TSPAN9: variants seen among roughly 807,000 people sequenced by gnomAD.
TSPAN9 encodes tetraspanin-9.
TSPAN9 carries 16 observed loss-of-function variants against 31.0 expected under a neutral mutation model. The observed-to-expected ratio is 0.52, with a 90% CI of 0.35 to 0.78. TSPAN9 has a LOEUF of 0.78. TSPAN9 is among the 30% of genes least tolerant of loss of function. The pLI is 0.01. For synonymous variants in TSPAN9, 145 were observed against 121.6 expected (o/e 1.19, Z -1.27); for missense variants, 272 against 312.5 (o/e 0.87, Z 0.98).
intron 2 of TSPAN9, among the ~76,000 whole-genome samples, chr12:3,109,230 C>T (rs1023345883): frequency 1.3e-5 from 2 of 148,290 alleles, no homozygotes; most frequent in African/African-American, 2.5e-5. Flanking sequence ...GCCACCGCTC[C>T]TGGCCAGGAG....
chr12:3,105,768 G>GCACGCACA (rs1555141405), intron 2 of TSPAN9, among the ~76,000 whole-genome samples: 5 of 28,570 alleles, frequency 1.8e-4, no homozygotes, highest in South Asian at 6.2e-3. Context: ...GCACACACGC[G>GCACGCACA]CACGCACACA....
chr12:3,267,941 CA>C (rs1862567024), intron 3 of TSPAN9, among the ~76,000 whole-genome samples: 1 of 152,318 alleles, frequency 6.6e-6, no homozygotes, highest in Admixed American at 6.5e-5. Context: ...CCTGAGGCTC[CA>C]CGCTGCCTTC....
chr12:3,239,533 T>C (rs112729800), intron 3 of TSPAN9, among the ~76,000 whole-genome samples: 2,214 of 152,288 alleles, frequency 0.015, 56 homozygotes, highest in African/African-American at 0.05. Flanking sequence ...CCTTCCCCGC[T>C]CCACTGCCCG....
intron 2 of TSPAN9, among the ~76,000 whole-genome samples, chr12:3,137,183 G>A (rs2098332519): frequency 6.6e-6 from 1 of 152,228 alleles, no homozygotes; most frequent in South Asian, 2.1e-4. Flanking sequence ...TGGGATGGGT[G>A]TTCTTGAGGC....
At chr12:3,222,863 C>T (rs1449724297) in intron 3 of TSPAN9, among the ~76,000 whole-genome samples, 1 of 152,202 alleles carries the variant, frequency 6.6e-6, no homozygotes, top group African/African-American at 2.4e-5. Context: ...CCCTGATCCT[C>T]ACAGCAGGTT....
At chr12:3,191,181 C>T (rs1259986597) in intron 2 of TSPAN9, among the ~76,000 whole-genome samples, 8 of 152,068 alleles carry the variant, frequency 5.3e-5, no homozygotes, top group Admixed American at 5.2e-4. Context: ...GAGTGTAGGC[C>T]AAGAAAGGTA....
chr12:3,252,040 G>A (rs867601773), intron 3 of TSPAN9, among the ~76,000 whole-genome samples: 8 of 152,096 alleles, frequency 5.3e-5, no homozygotes, highest in East Asian at 1.9e-4. Context: ...GTGAGGGGTC[G>A]TTTTTTACTT....
chr12:3,195,198 G>C (rs2098366472), intron 2 of TSPAN9, among the ~76,000 whole-genome samples: 1 of 152,180 alleles, frequency 6.6e-6, no homozygotes, highest in African/African-American at 2.4e-5. Context: ...AAGGGGCTGT[G>C]GGCTGGCCCA....
chr12:3,129,626 A>G (rs2098328864), intron 2 of TSPAN9, among the ~76,000 whole-genome samples: 2 of 152,178 alleles, frequency 1.3e-5, no homozygotes, highest in Admixed American at 1.3e-4. Context: ...GGTGGTAACT[A>G]CCTTGTAGGG....
chr12:3,169,721 T>TGGA (rs2098350680), intron 2 of TSPAN9, among the ~76,000 whole-genome samples: 1 of 152,176 alleles, frequency 6.6e-6, no homozygotes, highest in Non-Finnish European at 1.5e-5. Flanking sequence ...GTGAGCTTGT[T>TGGA]GGAGGAGTGG....
At chr12:3,237,799 G>A (rs756357774) in intron 3 of TSPAN9, among the ~76,000 whole-genome samples, 3 of 152,152 alleles carry the variant, frequency 2.0e-5, no homozygotes, top group Non-Finnish European at 2.9e-5. Flanking sequence ...GCTCCCTCCA[G>A]CTGTCCCTGA....
intron 2 of TSPAN9, among the ~76,000 whole-genome samples, chr12:3,194,027 C>G (rs2098365850): frequency 6.6e-6 from 1 of 152,202 alleles, no homozygotes; most frequent in African/African-American, 2.4e-5. Context: ...AGATTTCTGG[C>G]TTGGGCCCCA....
chr12:3,140,397 G>A (rs377661297), intron 2 of TSPAN9, among the ~76,000 whole-genome samples: 3 of 152,276 alleles, frequency 2.0e-5, no homozygotes, highest in East Asian at 1.9e-4. Context: ...GGAGAGTCAT[G>A]TGTGGTGCGA....
chr12:3,181,714 GA>G (rs2098358670), intron 2 of TSPAN9, among the ~76,000 whole-genome samples: 1 of 152,128 alleles, frequency 6.6e-6, no homozygotes, highest in Admixed American at 6.5e-5. Flanking sequence ...ATAGAACTGG[GA>G]CTCACACCTG....
At chr12:3,108,912 T>G (rs149946982) in intron 2 of TSPAN9, among the ~76,000 whole-genome samples, 4 of 152,176 alleles carry the variant, frequency 2.6e-5, no homozygotes, top group African/African-American at 9.7e-5. Context: ...CTAAGGATAT[T>G]AATGATAGTT....
At chr12:3,252,321 T>C (rs529226287) in intron 3 of TSPAN9, among the ~76,000 whole-genome samples, 1 of 152,212 alleles carries the variant, frequency 6.6e-6, no homozygotes, top group African/African-American at 2.4e-5. Flanking sequence ...GGAATGGCGT[T>C]TAGAGGGTAT....
intron 2 of TSPAN9, among the ~76,000 whole-genome samples, chr12:3,092,202 G>A (rs1165656796): frequency 2.6e-5 from 4 of 152,128 alleles, no homozygotes; most frequent in Non-Finnish European, 5.9e-5. Flanking sequence ...GCGGAGACCT[G>A]CCAGGCCCTC....
intron 2 of TSPAN9, among the ~76,000 whole-genome samples, chr12:3,197,089 A>G (rs1387490804): frequency 6.6e-6 from 1 of 152,138 alleles, no homozygotes; most frequent in Non-Finnish European, 1.5e-5. Context: ...TTATGCTTGT[A>G]ACACCTCTAG....
chr12:3,240,522 G>A (rs2098396052), intron 3 of TSPAN9, among the ~76,000 whole-genome samples: 1 of 152,218 alleles, frequency 6.6e-6, no homozygotes, highest in Non-Finnish European at 1.5e-5. Context: ...ACGTGCTCGA[G>A]CTCACACAGC....
Sources: gnomAD v4.1 joint callset for allele counts (sites outside exome capture counted in the v4.1 genomes callset) on GRCh38, gnomAD v4.1.1 for gene constraint, MANE v1.5 for transcripts, NCBI Gene and HGNC (gene_info 2026-07-23, HGNC 2026-07-21) for gene names.